KPNB1: variants seen among roughly 807,000 people sequenced by gnomAD.
KPNB1 encodes the protein importin subunit beta-1.
In KPNB1, 7 loss-of-function variants were observed where a neutral mutation model predicts 113.0. That is an observed-to-expected ratio of 0.06 (90% CI 0.04 to 0.12). The LOEUF (loss-of-function observed/expected upper bound fraction) is 0.12. Among genes scored for constraint, KPNB1 ranks in the 10% least tolerant of loss-of-function variants. The pLI, the probability that KPNB1 is intolerant of heterozygous loss-of-function variation, is 1.00. For missense variants in KPNB1, 400 were observed against 1,054.8 expected, an observed-to-expected ratio of 0.38 and a Z score of 8.60; for synonymous variants, 363 against 378.6, an observed-to-expected ratio of 0.96 and a Z score of 0.48.
chr17:47,666,841 T>C (rs187051000), intron 9 of KPNB1, among the ~76,000 whole-genome samples: 5 of 151,872 alleles, frequency 3.3e-5, no homozygotes, highest in African/African-American at 1.2e-4. Context: ...ATGATCTCGA[T>C]TTTTTGACCT....
intron 13 of KPNB1, among the ~76,000 whole-genome samples, 158 bp from the exon 14 acceptor site, chr17:47,673,332 T>TA (rs2030504633): frequency 2.6e-5 from 4 of 152,244 alleles, no homozygotes; most frequent in Non-Finnish European, 5.9e-5. Flanking sequence ...TAGCATTGTT[T>TA]GTCATGGTTT....
Position 47,670,974 on chromosome 17 carries a change from C to T in KPNB1, c.1547+142C>T, listed in dbSNP as rs989140236. Reference sequence around the variant, plus strand: ...TTCTCTAGAGGAATTAAAAGAAACCCGCTGGGCGCGGTGGCTCACGCCTAT... The same window carrying T: ...TTCTCTAGAGGAATTAAAAGAAACCTGCTGGGCGCGGTGGCTCACGCCTAT... On this transcript the variant is annotated intron_variant, in intron 12 of 21. Transcript: ENST00000290158. 3.9e-5 allele frequency: 31 copies of T among 787,826 alleles called. 1 individual carries two copies. Among genetic ancestry groups the T allele is most frequent in the East Asian group, 8.3e-5 (3 of 36,094 alleles). 48.8% of individuals were successfully genotyped at this position (787,826 alleles called of 1,614,324 possible). A position where few individuals can be genotyped will look rare whatever the true frequency, so the allele number is the denominator to read the frequency against.
At chr17:47,658,153 G>T (rs897868237) in intron 4 of KPNB1, among the ~76,000 whole-genome samples, 3 of 152,144 alleles carry the variant, frequency 2.0e-5, no homozygotes, top group Admixed American at 6.5e-5. Context: ...GGAGGGGATT[G>T]ATTCCAGCAC....
intron 21 of KPNB1, among the ~76,000 whole-genome samples, chr17:47,681,867 C>T (rs1253248640): frequency 6.6e-6 from 1 of 152,074 alleles, no homozygotes; most frequent in Non-Finnish European, 1.5e-5. Flanking sequence ...AGAGTCTCCT[C>T]TGTCACCCAG....
chr17:47,654,390 G>A (rs1327614073), intron 3 of KPNB1, among the ~76,000 whole-genome samples: 1 of 150,542 alleles, frequency 6.6e-6, no homozygotes, highest in Non-Finnish European at 1.5e-5. Context: ...CTCCAGCCTG[G>A]GTGACAGAGT....
At chr17:47,675,361 G>GGTTTTTTTTTTTTTTTTT (rs2030566469) in intron 15 of KPNB1, among the ~76,000 whole-genome samples, 2 of 88,692 alleles carry the variant, frequency 2.3e-5, no homozygotes, top group Non-Finnish European at 4.6e-5. Context: ...CAGAGGTGTT[G>GGTTTTTTTTTTTTTTTTT]TTTTTTTTTT....
intron 3 of KPNB1, 37 bp from the exon 4 acceptor site, chr17:47,656,823 T>C (rs777436371): frequency 6.3e-7 from 1 of 1,590,550 alleles, no homozygotes; most frequent in Non-Finnish European, 8.6e-7. Context: ...CAAATAGTGT[T>C]AGAAATTTGT....
At chr17:47,652,359 T>G (rs1371829011) in intron 2 of KPNB1, among the ~76,000 whole-genome samples, 1 of 152,238 alleles carries the variant, frequency 6.6e-6, no homozygotes, top group Non-Finnish European at 1.5e-5. Flanking sequence ...CATAGAAGAC[T>G]GACTACTACT....
intron 15 of KPNB1, among the ~76,000 whole-genome samples, chr17:47,675,341 C>T (rs534195129): frequency 7.6e-5 from 11 of 143,924 alleles, no homozygotes; most frequent in African/African-American, 1.3e-4. Flanking sequence ...CAGTTTGCAA[C>T]GGAGATTGGC....
In KPNB1 at chr17:47,650,170, A is replaced by G; in HGVS notation, c.-75A>G. 1.4e-6 allele frequency: 1 copy of G among 707,848 alleles called. No homozygotes were observed. Among genetic ancestry groups the G allele is most frequent in the Non-Finnish European group, 1.7e-6 (1 of 599,154 alleles). The allele number at this position is 707,848 out of a possible 1,614,324, so 43.8% of individuals were successfully genotyped here. A position where few individuals can be genotyped will look rare whatever the true frequency, so the allele number is the denominator to read the frequency against. On this transcript the variant is annotated 5_prime_UTR_variant, in exon 1 of 22. Transcript: ENST00000290158. ...CCTTCCCACCCGACCCCCAACCCCC[A>G]TCCCCAGTTCGAGCCGCCGCCCGAA...
chr17:47,651,115 C>A, intron 2 of KPNB1: 2 of 591,840 alleles, frequency 3.4e-6, no homozygotes, highest in Non-Finnish European at 4.2e-6. Flanking sequence ...ACCCAGAAAA[C>A]AGACTGAGGC....
intron 16 of KPNB1, 23 bp downstream of exon 16, chr17:47,676,514 GT>G: frequency 2.6e-6 from 4 of 1,546,002 alleles, no homozygotes; most frequent in Non-Finnish European, 3.6e-6. Flanking sequence ...TTTCAAAATA[GT>G]ATGTTCCCAT....
At chr17:47,658,163 C>T (rs910339408) in intron 4 of KPNB1, among the ~76,000 whole-genome samples, 4 of 152,132 alleles carry the variant, frequency 2.6e-5, no homozygotes, top group African/African-American at 9.7e-5. Flanking sequence ...GATTCCAGCA[C>T]CCTCCTCAGG....
Position 47,683,118 on chromosome 17 carries a change from A to AAAAC in KPNB1, c.*715_*716insAACA, listed in dbSNP as rs1555619992. On this transcript the variant is annotated 3_prime_UTR_variant, in exon 22 of 22. Transcript: ENST00000290158. ...AAAAAAAAAAAAAAAAAAAAAAAAA[A>AAAAC]ACACACACACAGAGGAAAGACGCTC... The AAAAC allele has an allele frequency of 2.0e-4, 28 of 143,190 alleles. No homozygotes were observed. Among genetic ancestry groups the AAAAC allele is most frequent in the African/African-American group, 2.6e-4 (10 of 38,050 alleles). 8.9% of individuals were successfully genotyped at this position (143,190 alleles called of 1,614,324 possible).
chr17:47,659,005 T>A (rs985651179), intron 5 of KPNB1, among the ~76,000 whole-genome samples: 48 of 152,116 alleles, frequency 3.2e-4, no homozygotes, highest in African/African-American at 8.7e-4. Context: ...TTGAGTCCAG[T>A]TATTCAAGGC....
rs1232891867 is a variant in KPNB1, at chr17:47,680,611, G to A, written c.2572G>A (p.Ala858Thr). The change falls in exon 21 of 22, where the codon GCA becomes ACA. Residue 858 changes from alanine (A) to threonine (T), a missense_variant. By Grantham distance (58) the Ala-to-Thr change is moderately conservative. This residue lies in a region of KPNB1 where 115 missense variants were observed against 427.9 expected (regional missense o/e 0.27). Transcript: ENST00000290158. ...AGGGCGGAGATCGAAGACTAACAAA[G>A]CAAAAACCCTTGCTACATGGGCAAC... ...TEGRRSKTNK[A>T]KTLATWATKE... 1 of 1,614,180 alleles carries A rather than the reference G, an allele frequency of 6.2e-7. No homozygotes were observed. The highest frequency in any genetic ancestry group is 8.5e-7 in the Non-Finnish European group (1 of 1,180,020).
At chr17:47,664,385 G>A in intron 8 of KPNB1, 116 bp downstream of exon 8, 1 of 690,156 alleles carries the variant, frequency 1.4e-6, no homozygotes, top group Non-Finnish European at 2.5e-6. Context: ...ATCTCCATTG[G>A]CAGAGATTTT....
chr17:47,669,930 A>G lies in KPNB1; in HGVS notation c.1416+61A>G. 3.2e-6 allele frequency: 4 copies of G among 1,251,084 alleles called. No individual in the cohort carries two copies. The South Asian group carries it at 5.0e-5, about 16-fold the overall frequency. The allele number at this position is 1,251,084 out of a possible 1,614,324, so 77.5% of individuals were successfully genotyped here. A position where few individuals can be genotyped will look rare whatever the true frequency, so the allele number is the denominator to read the frequency against. On this transcript the variant is annotated intron_variant, in intron 11 of 21. Coordinates refer to ENST00000290158, the MANE Select transcript of KPNB1 (RefSeq NM_002265.6). Reference sequence around the variant, plus strand: ...GCCTGCGCCACTGGCAAGAAAGTAGAAGGTGTGGGAGAGAAATCAATCTGC... The same window carrying G: ...GCCTGCGCCACTGGCAAGAAAGTAGGAGGTGTGGGAGAGAAATCAATCTGC...
rs1597945325 is a variant in KPNB1, at chr17:47,684,191, C to T, written c.*1787C>T. On this transcript the variant is annotated 3_prime_UTR_variant, in exon 22 of 22. Coordinates refer to ENST00000290158, the MANE Select transcript of KPNB1 (RefSeq NM_002265.6). The stretch of plus-strand genomic sequence containing the variant: ...TTTTTCTCCAACTCCTCGTTTATAT[C>T]CTCCCTTCCATGTCCAAGCCTTCCA... The T allele has an allele frequency of 6.6e-6, 1 of 152,130 alleles. No homozygotes were observed. The highest frequency in any genetic ancestry group is 1.9e-4 in the East Asian group (1 of 5,202). The allele number at this position is 152,130 out of a possible 1,614,324, so 9.4% of individuals were successfully genotyped here.
Sources: allele counts gnomAD v4.1 joint callset (sites outside exome capture counted in the v4.1 genomes callset), GRCh38; gene constraint gnomAD v4.1.1; regional missense constraint gnomAD v4.1.1; transcripts MANE v1.5; gene names NCBI Gene and HGNC (gene_info 2026-07-23, HGNC 2026-07-21).